TBC1D19: variants seen among roughly 807,000 people sequenced by gnomAD.
The protein encoded by TBC1D19 is TBC1 domain family member 19.
TBC1D19 carries 60 observed loss-of-function variants against 89.0 expected under a neutral mutation model. The observed-to-expected ratio is 0.67, with a 90% CI of 0.55 to 0.84. The LOEUF is 0.84. Among genes scored for constraint, TBC1D19 ranks in the 40% least tolerant of loss-of-function variants. The pLI, the probability that TBC1D19 is intolerant of heterozygous loss-of-function variation, is 0.00. For synonymous variants in TBC1D19, 189 were observed against 199.7 expected (o/e 0.95, Z 0.45); for missense variants, 500 against 610.8 (o/e 0.82, Z 1.91).
chr4:26,783,712 G>C, the TBC1D19 span, among the ~76,000 whole-genome samples: 4 of 152,226 alleles, frequency 2.6e-5, no homozygotes, highest in Admixed American at 2.6e-4. Flanking sequence ...ATAATAGCTA[G>C]ATGGGGGAGA....
chr4:26,687,685 T>C (rs1288099375), intron 12 of TBC1D19, among the ~76,000 whole-genome samples: 1 of 152,166 alleles, frequency 6.6e-6, no homozygotes. Context: ...ACTGTGGTGG[T>C]ACTACGTATA....
At chr4:26,743,077 A>G (rs372433861) in intron 18 of TBC1D19, among the ~76,000 whole-genome samples, 2 of 152,058 alleles carry the variant, frequency 1.3e-5, no homozygotes, top group African/African-American at 2.4e-5. Flanking sequence ...TCCTTTCTAA[A>G]ATTTGAGTTT....
the TBC1D19 span, among the ~76,000 whole-genome samples, chr4:26,803,979 A>G: frequency 6.6e-6 from 1 of 151,954 alleles, no homozygotes. Flanking sequence ...ATGGGATTCA[A>G]TAGGCAGGCA....
At chr4:26,818,791 C>G in the TBC1D19 span, among the ~76,000 whole-genome samples, 23 of 152,252 alleles carry the variant, frequency 1.5e-4, no homozygotes, top group Middle Eastern at 0.01. Context: ...ATCTAGGACC[C>G]CCAGAAGTCT....
intron 16 of TBC1D19, among the ~76,000 whole-genome samples, chr4:26,736,441 G>A (rs945378486): frequency 1.3e-5 from 2 of 149,298 alleles, no homozygotes; most frequent in Non-Finnish European, 3.0e-5. Context: ...TATACCTAAT[G>A]CTAGATGACA....
chr4:26,729,899 A>T (rs1026807982), intron 15 of TBC1D19, among the ~76,000 whole-genome samples: 1 of 152,204 alleles, frequency 6.6e-6, no homozygotes, highest in African/African-American at 2.4e-5. Context: ...TGTTAATTAG[A>T]TGAGTAGGAG....
chr4:26,670,277 T>C (rs1015187114), intron 9 of TBC1D19, among the ~76,000 whole-genome samples: 1 of 151,132 alleles, frequency 6.6e-6, no homozygotes, highest in Non-Finnish European at 1.5e-5. Context: ...CCAGACACTT[T>C]CCTTAGTCAT....
intron 14 of TBC1D19, 58 bp from the exon 15 acceptor site, chr4:26,720,023 A>G (rs879933212): frequency 3.4e-5 from 48 of 1,429,302 alleles, no homozygotes; most frequent in Non-Finnish European, 3.8e-5. Context: ...AAATAAGTTG[A>G]TTTTTAAAGA....
chr4:26,790,022 G>C, the TBC1D19 span, among the ~76,000 whole-genome samples: 1 of 152,202 alleles, frequency 6.6e-6, no homozygotes, highest in Admixed American at 6.5e-5. Flanking sequence ...AGACACTGGA[G>C]ACTTGGAAGG....
intron 7 of TBC1D19, among the ~76,000 whole-genome samples, chr4:26,653,210 T>C (rs1013913933): frequency 2.0e-5 from 3 of 152,230 alleles, no homozygotes; most frequent in African/African-American, 7.2e-5. Flanking sequence ...ACTTCTAGTT[T>C]GATTGCACTG....
At chr4:26,782,054 T>C in the TBC1D19 span, among the ~76,000 whole-genome samples, 1 of 152,204 alleles carries the variant, frequency 6.6e-6, no homozygotes. Flanking sequence ...GTGTATTTCT[T>C]TGTGGCTTTT....
intron 1 of TBC1D19, chr4:26,584,982 C>A (rs1049473655): frequency 5.3e-6 from 1 of 189,354 alleles, no homozygotes; most frequent in Non-Finnish European, 1.1e-5. Context: ...AGTTCTGTTC[C>A]TTTTTATTGC....
In TBC1D19 at chr4:26,674,033, T is replaced by A. The variant is rs1712575116; in HGVS notation, c.816+145T>A. On this transcript the variant is annotated intron_variant, in intron 11 of 20. Coordinates refer to ENST00000264866, the MANE Select transcript of TBC1D19 (RefSeq NM_018317.4). ...TTTTCAAAATCACTATAGTTTTAGG[T>A]TCTAAAATAAGATTTAACATATAAT... The A allele has an allele frequency of 7.8e-6, 4 of 513,628 alleles. No homozygotes were observed. In the South Asian group the frequency reaches 1.3e-4, roughly 16 times the overall value. 31.8% of individuals were successfully genotyped at this position (513,628 alleles called of 1,614,324 possible). A position where few individuals can be genotyped will look rare whatever the true frequency, so the allele number is the denominator to read the frequency against.
chr4:26,769,807 A>G, the TBC1D19 span, among the ~76,000 whole-genome samples: 3 of 151,998 alleles, frequency 2.0e-5, no homozygotes, highest in Admixed American at 6.6e-5. Context: ...CTCAGCCTCC[A>G]GAAGTGCTGG....
chr4:26,692,709 G>T (rs1002948860), intron 13 of TBC1D19, among the ~76,000 whole-genome samples: 2 of 152,196 alleles, frequency 1.3e-5, no homozygotes, highest in Non-Finnish European at 2.9e-5. Context: ...CATAGCAGCT[G>T]GTTTACCAGA....
chr4:26,810,937 G>C, the TBC1D19 span, among the ~76,000 whole-genome samples: 9 of 152,282 alleles, frequency 5.9e-5, no homozygotes, highest in Admixed American at 6.5e-5. Flanking sequence ...CACTGTGGAA[G>C]ACAGTGTGGC....
chr4:26,737,703 T>C (rs1361628119), intron 16 of TBC1D19, among the ~76,000 whole-genome samples: 1 of 152,108 alleles, frequency 6.6e-6, no homozygotes, highest in Non-Finnish European at 1.5e-5. Flanking sequence ...AACCACTTAT[T>C]TAGAACCAGT....
At chr4:26,595,324 G>C (rs1006241652) in intron 1 of TBC1D19, among the ~76,000 whole-genome samples, 12 of 151,992 alleles carry the variant, frequency 7.9e-5, no homozygotes, top group Non-Finnish European at 1.3e-4. Context: ...GTATACTTGG[G>C]TAGAATTGTT....
the TBC1D19 span, among the ~76,000 whole-genome samples, chr4:26,849,114 TGCAGTGA>T: frequency 6.6e-6 from 1 of 151,996 alleles, no homozygotes; most frequent in Non-Finnish European, 1.5e-5. Flanking sequence ...AGGTTGAGGC[TGCAGTGA>T]GCTGAGACTG....
Sources: allele counts gnomAD v4.1 joint callset (sites outside exome capture counted in the v4.1 genomes callset), GRCh38; gene constraint gnomAD v4.1.1; transcripts MANE v1.5; gene names NCBI Gene and HGNC (gene_info 2026-07-23, HGNC 2026-07-21).